SEMA5A: variants seen among roughly 807,000 people sequenced by gnomAD.
SEMA5A encodes semaphorin 5A, also known as semaphorin-5A.
In SEMA5A, 55 loss-of-function variants were observed where a neutral mutation model predicts 135.5. That is an observed-to-expected ratio of 0.41 (90% CI 0.33 to 0.51). The LOEUF is 0.51. SEMA5A is among the 20% of genes least tolerant of loss of function. The pLI, the probability that SEMA5A is intolerant of heterozygous loss-of-function variation, is 0.37. For missense variants in SEMA5A, 1,290 were observed against 1,419.9 expected (o/e 0.91, Z 1.47); for synonymous variants, 580 against 546.5 (o/e 1.06, Z -0.85).
At chr5:9,278,163 A>C (rs765000769) in intron 5 of SEMA5A, among the ~76,000 whole-genome samples, 10 of 151,392 alleles carry the variant, frequency 6.6e-5, no homozygotes, top group Non-Finnish European at 8.8e-5. Flanking sequence ...GCTGGTAATG[A>C]GGAACATACT....
At chr5:9,082,467 G>A (rs139761254) in intron 16 of SEMA5A, among the ~76,000 whole-genome samples, 3 of 152,178 alleles carry the variant, frequency 2.0e-5, no homozygotes, top group Non-Finnish European at 4.4e-5. Context: ...ACTCAGAAGC[G>A]GGCTAATCAG....
At chr5:9,153,564 G>A (rs575832049) in intron 12 of SEMA5A, among the ~76,000 whole-genome samples, 3 of 152,122 alleles carry the variant, frequency 2.0e-5, no homozygotes, top group African/African-American at 4.8e-5. Context: ...AGGCTCAGGA[G>A]AGAAGCAGCA....
At chr5:9,283,636 T>C (rs1042870395) in intron 5 of SEMA5A, among the ~76,000 whole-genome samples, 1 of 152,186 alleles carries the variant, frequency 6.6e-6, no homozygotes, top group Non-Finnish European at 1.5e-5. Context: ...GAGGGGATGA[T>C]ATAGGGTAGG....
chr5:9,209,855 A>T (rs1746247975), intron 8 of SEMA5A, among the ~76,000 whole-genome samples: 1 of 152,240 alleles, frequency 6.6e-6, no homozygotes, highest in Non-Finnish European at 1.5e-5. Flanking sequence ...TAGAAACAAG[A>T]TGACAACATG....
intron 5 of SEMA5A, among the ~76,000 whole-genome samples, chr5:9,307,359 C>T (rs1354865623): frequency 6.6e-6 from 1 of 152,120 alleles, no homozygotes; most frequent in Non-Finnish European, 1.5e-5. Context: ...CAGCCCTATC[C>T]ACAATGACTC....
chr5:9,091,092 C>A (rs905947896), intron 16 of SEMA5A, among the ~76,000 whole-genome samples: 1 of 152,166 alleles, frequency 6.6e-6, no homozygotes, highest in Non-Finnish European at 1.5e-5. Context: ...GAGAAGCTCA[C>A]AGTAAACTCA....
intron 1 of SEMA5A, among the ~76,000 whole-genome samples, chr5:9,480,832 A>G (rs1759848317): frequency 6.6e-6 from 1 of 152,222 alleles, no homozygotes; most frequent in Non-Finnish European, 1.5e-5. Context: ...GATGAATTAT[A>G]TCAGGTAAAA....
chr5:9,145,534 AG>A, intron 12 of SEMA5A, among the ~76,000 whole-genome samples: 1 of 152,246 alleles, frequency 6.6e-6, no homozygotes, highest in African/African-American at 2.4e-5. Context: ...AGGGGTCTGG[AG>A]CCAAGAAGTG....
intron 1 of SEMA5A, among the ~76,000 whole-genome samples, chr5:9,508,567 A>C (rs1269588563): frequency 6.6e-6 from 1 of 151,292 alleles, no homozygotes; most frequent in Non-Finnish European, 1.5e-5. Context: ...CTTAAATCAC[A>C]CTCCTTTCAA....
intron 1 of SEMA5A, among the ~76,000 whole-genome samples, chr5:9,442,684 T>G (rs894201869): frequency 6.6e-6 from 1 of 152,226 alleles, no homozygotes; most frequent in Non-Finnish European, 1.5e-5. Context: ...CCTATCGCAT[T>G]GGAATTATTC....
intron 4 of SEMA5A, among the ~76,000 whole-genome samples, chr5:9,324,348 G>T (rs371291125): frequency 2.0e-5 from 3 of 152,176 alleles, no homozygotes; most frequent in African/African-American, 7.2e-5. Context: ...GATTACAGGC[G>T]TGAGCCACCG....
intron 1 of SEMA5A, among the ~76,000 whole-genome samples, chr5:9,479,779 TG>T (rs1308257978): frequency 1.3e-5 from 2 of 152,162 alleles, no homozygotes; most frequent in African/African-American, 4.8e-5. Context: ...AGAGGCACCT[TG>T]GGCTGGCAGG....
At chr5:9,445,494 C>G (rs963963517) in intron 1 of SEMA5A, among the ~76,000 whole-genome samples, 1 of 151,970 alleles carries the variant, frequency 6.6e-6, no homozygotes, top group African/African-American at 2.4e-5. Flanking sequence ...ACAGTGAAAC[C>G]CTGTCTCTAC....
At chr5:9,186,492 T>C (rs973962643) in intron 11 of SEMA5A, among the ~76,000 whole-genome samples, 1 of 152,198 alleles carries the variant, frequency 6.6e-6, no homozygotes, top group Admixed American at 6.5e-5. Context: ...TTCCCAAGCC[T>C]GGAAGGATAT....
At chr5:9,533,719 G>A (rs1289054454) in intron 1 of SEMA5A, among the ~76,000 whole-genome samples, 1 of 152,132 alleles carries the variant, frequency 6.6e-6, no homozygotes, top group Non-Finnish European at 1.5e-5. Flanking sequence ...CTCTAATTAT[G>A]TCTTTATACA....
chr5:9,218,516 A>C (rs565569810), intron 8 of SEMA5A, among the ~76,000 whole-genome samples: 1 of 152,256 alleles, frequency 6.6e-6, no homozygotes, highest in African/African-American at 2.4e-5. Flanking sequence ...AAATTGTCTC[A>C]TACACAATTT....
intron 9 of SEMA5A, among the ~76,000 whole-genome samples, chr5:9,198,416 C>T (rs1318196381): frequency 1.3e-5 from 2 of 152,168 alleles, no homozygotes; most frequent in Non-Finnish European, 2.9e-5. Flanking sequence ...GGACTTGAAC[C>T]TAAGGCTGGC....
In SEMA5A at chr5:9,136,635, C is replaced by A. The variant is rs1213849251; in HGVS notation, c.1482-14G>T. Reference sequence around the variant, plus strand: ...CCAATGCAGGTGCTGGAAACACACACCAAATGGTCAACAGAAAGGTCGCTT... The same window carrying A: ...CCAATGCAGGTGCTGGAAACACACAACAAATGGTCAACAGAAAGGTCGCTT... On this transcript the variant is annotated splice_polypyrimidine_tract_variant and intron_variant, in intron 12 of 22. Transcript: ENST00000382496. 2.5e-6 allele frequency: 4 copies of A among 1,600,214 alleles called. No individual in the cohort carries two copies. The highest frequency in any genetic ancestry group is 3.4e-6 in the Non-Finnish European group (4 of 1,167,710).
rs114438637 is a variant in SEMA5A, at chr5:9,438,442, G to A, written c.-174-590C>T. On this transcript the variant is annotated intron_variant, in intron 1 of 22. Coordinates refer to ENST00000382496, the MANE Select transcript of SEMA5A (RefSeq NM_003966.3). ...AAACCAAGTAAACCTGTCCAATCTC[G>A]TCATTCAATTTCATATACAAAAATT... is the stretch of plus-strand genomic sequence containing the variant. 3.5e-3 allele frequency among the ~76,000 whole-genome samples: 540 copies of A among 152,254 alleles called. 8 individuals are homozygous for A. The highest frequency in any genetic ancestry group is 0.013 in the African/African-American group (523 of 41,546).
Sources: gnomAD v4.1 joint callset for allele counts (sites outside exome capture counted in the v4.1 genomes callset) on GRCh38, gnomAD v4.1.1 for gene constraint, MANE v1.5 for transcripts, NCBI Gene and HGNC (gene_info 2026-07-23, HGNC 2026-07-21) for gene names.